TRPM3: variants seen among roughly 807,000 people sequenced by gnomAD.
The protein encoded by TRPM3 is long transient receptor potential channel 3.
Under a neutral mutation model 181.2 loss-of-function variants are expected in TRPM3, and 77 were observed. That is an observed-to-expected ratio of 0.42 (90% CI 0.35 to 0.51). The LOEUF (loss-of-function observed/expected upper bound fraction) is 0.51, where lower values mean the gene tolerates loss of function less well. Ranked by LOEUF, TRPM3 falls within the 20% of genes least tolerant of loss-of-function variation. The pLI is 0.01. For synonymous variants in TRPM3, 745 were observed against 796.4 expected (o/e 0.94, Z 1.09); for missense variants, 1,759 against 2,196.7 (o/e 0.80, Z 3.98).
intron 1 of TRPM3, among the ~76,000 whole-genome samples, chr9:71,158,735 C>T (rs2076127228): frequency 2.6e-5 from 4 of 152,038 alleles, no homozygotes; most frequent in Non-Finnish European, 4.4e-5. Flanking sequence ...TATTTCTGGT[C>T]CTGTCTATGA....
At chr9:70,861,485 T>A (rs920112221) in intron 3 of TRPM3, among the ~76,000 whole-genome samples, 6 of 152,208 alleles carry the variant, frequency 3.9e-5, no homozygotes, top group Non-Finnish European at 8.8e-5. Context: ...TATTCAAGCA[T>A]CCTGTGAAGG....
intron 6 of TRPM3, among the ~76,000 whole-genome samples, chr9:70,816,128 G>C (rs758450354): frequency 6.6e-6 from 1 of 152,166 alleles, no homozygotes; most frequent in Non-Finnish European, 1.5e-5. Flanking sequence ...AAACTAACTA[G>C]AGTTGGATTC....
At chr9:71,032,527 G>A (rs1451284362) in intron 1 of TRPM3, among the ~76,000 whole-genome samples, 1 of 152,018 alleles carries the variant, frequency 6.6e-6, no homozygotes, top group East Asian at 1.9e-4. Flanking sequence ...TTTTACCAAT[G>A]TATTTTGAGG....
intron 1 of TRPM3, among the ~76,000 whole-genome samples, chr9:71,363,497 T>C (rs765279594): frequency 1.3e-5 from 2 of 152,226 alleles, no homozygotes; most frequent in Non-Finnish European, 2.9e-5. Context: ...CCCATCTGGT[T>C]TGAATTATAT....
intron 8 of TRPM3, among the ~76,000 whole-genome samples, chr9:70,700,176 T>C (rs1403039471): frequency 6.6e-6 from 1 of 152,144 alleles, no homozygotes; most frequent in Non-Finnish European, 1.5e-5. Context: ...AGAGAAGGGC[T>C]TTCACTATGT....
rs370366378 is a variant in TRPM3, at chr9:71,103,951, G to A, written c.177+17227C>T. 6.8e-5 allele frequency among the ~76,000 whole-genome samples: 10 copies of A among 147,134 alleles called. No individual in the cohort carries two copies. In the East Asian group the frequency reaches 2.0e-3, roughly 29 times the overall value. On this transcript the variant is annotated intron_variant, in intron 1 of 25. Coordinates refer to ENST00000677713, the MANE Select transcript of TRPM3 (RefSeq NM_001366145.2). ...TTTTTTTGAGACAGAGTCTCGTTTT[G>A]TTGCCCAGAATGGAATGCAATGGTG...
intron 1 of TRPM3, among the ~76,000 whole-genome samples, chr9:71,194,750 T>C (rs2078242139): frequency 6.6e-6 from 1 of 151,768 alleles, no homozygotes; most frequent in South Asian, 2.1e-4. Flanking sequence ...CTGGTTCCAC[T>C]ACAGTACTGA....
At position 70,535,853 on chromosome 9, in the gene TRPM3, A is replaced by C. The variant is rs561445565; in HGVS notation, c.*100T>G. ...AAGCATTGCTTGTTTTGCTCAGCTA[A>C]GAATAAAGCAGGTATGATTCAAGGA... On this transcript the variant is annotated 3_prime_UTR_variant, in exon 26 of 26. Transcript: ENST00000677713. The C allele has an allele frequency of 6.6e-7, 1 of 1,513,638 alleles. No individual in the cohort carries two copies. The highest frequency in any genetic ancestry group is 1.4e-5 in the South Asian group (1 of 73,956). 93.8% of individuals were successfully genotyped at this position (1,513,638 alleles called of 1,614,324 possible). A position where few individuals can be genotyped will look rare whatever the true frequency, so the allele number is the denominator to read the frequency against.
intron 1 of TRPM3, among the ~76,000 whole-genome samples, chr9:71,434,243 T>C (rs973502197): frequency 1.3e-5 from 2 of 152,142 alleles, no homozygotes; most frequent in Non-Finnish European, 2.9e-5. Context: ...TTAAACTTAG[T>C]TCCCAAGGTG....
intron 1 of TRPM3, among the ~76,000 whole-genome samples, chr9:71,427,119 C>T (rs192249699): frequency 3.9e-5 from 6 of 152,212 alleles, no homozygotes; most frequent in Non-Finnish European, 7.4e-5. Context: ...AACAATAATG[C>T]CTTACGGTAT....
At chr9:71,055,289 GA>G (rs2060531302) in intron 1 of TRPM3, among the ~76,000 whole-genome samples, 1 of 152,068 alleles carries the variant, frequency 6.6e-6, no homozygotes, top group South Asian at 2.1e-4. Context: ...AGAGTTAGTA[GA>G]AACTTAAAGA....
At chr9:71,392,893 C>T (rs2093095463) in intron 1 of TRPM3, among the ~76,000 whole-genome samples, 1 of 151,988 alleles carries the variant, frequency 6.6e-6, no homozygotes, top group African/African-American at 2.4e-5. Flanking sequence ...TTTTAGAGTA[C>T]ATGTATAATA....
intron 1 of TRPM3, among the ~76,000 whole-genome samples, chr9:71,297,502 C>T (rs530299879): frequency 6.6e-6 from 1 of 152,272 alleles, no homozygotes; most frequent in East Asian, 1.9e-4. Context: ...GAAGGGGAAG[C>T]AAACACGTCC....
chr9:71,280,494 A>T (rs1262172749), intron 1 of TRPM3, among the ~76,000 whole-genome samples: 1 of 152,040 alleles, frequency 6.6e-6, no homozygotes, highest in Non-Finnish European at 1.5e-5. Context: ...AAAGCCAACA[A>T]CAGCAAGGGG....
intron 1 of TRPM3, among the ~76,000 whole-genome samples, chr9:71,060,994 G>A (rs562672753): frequency 5.2e-4 from 79 of 152,206 alleles, no homozygotes; most frequent in African/African-American, 1.8e-3. Context: ...AGAAAAAAGT[G>A]GGTCTTTATA....
In TRPM3 at chr9:71,048,582, C is replaced by A. The variant is rs538332617; in HGVS notation, c.177+72596G>T. On this transcript the variant is annotated intron_variant, in intron 1 of 25. Transcript: ENST00000677713. ...GGAGAACTCTTGACTGGTTCTGTTCCCTCTCTAGGCACTTTGTTTATTGCT... is the reference window on the plus strand; with the variant it reads ...GGAGAACTCTTGACTGGTTCTGTTCACTCTCTAGGCACTTTGTTTATTGCT... Among the ~76,000 whole-genome samples the A allele has an allele frequency of 2.6e-5, 4 of 152,276 alleles. No individual in the cohort carries two copies. The East Asian group carries it at 7.7e-4, about 29-fold the overall frequency.
At chr9:71,317,688 C>T (rs1419128749) in intron 1 of TRPM3, among the ~76,000 whole-genome samples, 2 of 151,536 alleles carry the variant, frequency 1.3e-5, no homozygotes, top group African/African-American at 4.8e-5. Flanking sequence ...TACACACACA[C>T]ACACACGCGC....
At chr9:71,040,765 G>A (rs139095789) in intron 1 of TRPM3, among the ~76,000 whole-genome samples, 170 of 152,174 alleles carry the variant, frequency 1.1e-3, no homozygotes, top group Non-Finnish European at 2.0e-3. Context: ...GGTGTCTTCC[G>A]ATACAAGCCA....
intron 1 of TRPM3, among the ~76,000 whole-genome samples, chr9:71,233,319 C>A (rs963421634): frequency 1.6e-4 from 24 of 152,206 alleles, no homozygotes; most frequent in African/African-American, 4.6e-4. Context: ...AGCCAACAGA[C>A]AACTCACTTG....
Sources: allele counts gnomAD v4.1 joint callset (sites outside exome capture counted in the v4.1 genomes callset), GRCh38; gene constraint gnomAD v4.1.1; transcripts MANE v1.5; gene names NCBI Gene and HGNC (gene_info 2026-07-23, HGNC 2026-07-21).